Variants in CNTNAP2 observed in about 807,000 individuals in gnomAD.
CNTNAP2 encodes the protein contactin associated protein 2, also known as contactin-associated protein-like 2.
Under a neutral mutation model 155.2 loss-of-function variants are expected in CNTNAP2, and 98 were observed. The ratio of observed to expected loss-of-function variants is 0.63; its 90% CI spans 0.54 to 0.75. CNTNAP2 has a LOEUF of 0.75. CNTNAP2 is among the 30% of genes least tolerant of loss of function. The pLI, the probability that CNTNAP2 is intolerant of heterozygous loss-of-function variation, is 0.00. For missense variants in CNTNAP2, 1,727 were observed against 1,688.1 expected (o/e 1.02, Z -0.40); for synonymous variants, 651 against 631.2 (o/e 1.03, Z -0.47).
At chr7:146,255,620 C>G (rs1799825190) in intron 1 of CNTNAP2, among the ~76,000 whole-genome samples, 1 of 152,058 alleles carries the variant, frequency 6.6e-6, no homozygotes, top group Non-Finnish European at 1.5e-5. Flanking sequence ...GGATATTTGT[C>G]AAGAAGGATT....
At position 146,619,588 on chromosome 7, in the gene CNTNAP2, T is replaced by C. The variant is rs143332056; in HGVS notation, c.98-154683T>C. Among the ~76,000 whole-genome samples the C allele has an allele frequency of 4.8e-3, 734 of 152,300 alleles. 4 individuals are homozygous for C. Among genetic ancestry groups the C allele is most frequent in the Non-Finnish European group, 9.2e-3 (629 of 68,008 alleles). On this transcript the variant is annotated intron_variant, in intron 1 of 23. Transcript: ENST00000361727. Reference sequence around the variant, plus strand: ...TGAAAATAGTAATATAAGAATTTTATATGACATAATTTGATAAGGATCTGT... The same window carrying C: ...TGAAAATAGTAATATAAGAATTTTACATGACATAATTTGATAAGGATCTGT...
intron 8 of CNTNAP2, among the ~76,000 whole-genome samples, chr7:147,170,034 C>G (rs1802195269): frequency 6.6e-6 from 1 of 151,870 alleles, no homozygotes; most frequent in African/African-American, 2.4e-5. Flanking sequence ...TCTTGAATTT[C>G]CAGAGTTCCT....
At chr7:148,172,589 T>C in intron 18 of CNTNAP2, 111 bp downstream of exon 18, 1 of 1,004,428 alleles carries the variant, frequency 1.0e-6, no homozygotes, top group Admixed American at 1.7e-5. Context: ...GAGGTTAAGA[T>C]GATCAGAATT....
chr7:148,230,297 G>C (rs1195247933), intron 20 of CNTNAP2, among the ~76,000 whole-genome samples: 1 of 152,104 alleles, frequency 6.6e-6, no homozygotes, highest in Non-Finnish European at 1.5e-5. Flanking sequence ...GCACACAAAG[G>C]GATGGTTTTA....
intron 17 of CNTNAP2, among the ~76,000 whole-genome samples, chr7:148,155,971 T>C (rs888792670): frequency 6.6e-6 from 1 of 152,148 alleles, no homozygotes; most frequent in Non-Finnish European, 1.5e-5. Context: ...AGGCCCCACG[T>C]GCAATACCGG....
intron 10 of CNTNAP2, among the ~76,000 whole-genome samples, chr7:147,457,180 A>G (rs1797930682): frequency 6.6e-6 from 1 of 152,194 alleles, no homozygotes; most frequent in Non-Finnish European, 1.5e-5. Context: ...AGGCAAGATG[A>G]AAAGGGCGAG....
intron 1 of CNTNAP2, among the ~76,000 whole-genome samples, chr7:146,264,578 G>A (rs1799965837): frequency 6.6e-6 from 1 of 152,174 alleles, no homozygotes; most frequent in Admixed American, 6.5e-5. Context: ...GAATGATGGT[G>A]GGAGCAATCC....
chr7:146,181,694 C>G lies in CNTNAP2; in HGVS notation c.97+64721C>G, dbSNP rs116796650. Among the ~76,000 whole-genome samples, 785 of 152,226 alleles carry G rather than the reference C, an allele frequency of 5.2e-3. 6 individuals carry two copies. The highest frequency in any genetic ancestry group is 0.017 in the Middle Eastern group (5 of 294). On this transcript the variant is annotated intron_variant, in intron 1 of 23. Coordinates refer to ENST00000361727, the MANE Select transcript of CNTNAP2 (RefSeq NM_014141.6). ...CTGTAGTTTTATGCTTACTTGGCAA[C>G]ACAAGCCTGGCCTTGTTTCTGTAAC...
intron 18 of CNTNAP2, among the ~76,000 whole-genome samples, chr7:148,207,671 G>A (rs561272604): frequency 6.6e-6 from 1 of 152,308 alleles, no homozygotes; most frequent in Admixed American, 6.5e-5. Context: ...CCCCCAAAAT[G>A]ATATGCCACA....
At chr7:147,362,112 G>T (rs1796157415) in intron 9 of CNTNAP2, among the ~76,000 whole-genome samples, 1 of 152,150 alleles carries the variant, frequency 6.6e-6, no homozygotes, top group East Asian at 1.9e-4. Flanking sequence ...AAGATTGAGT[G>T]TTTTCAGTAA....
At chr7:146,833,271 T>C (rs1407287404) in intron 2 of CNTNAP2, among the ~76,000 whole-genome samples, 2 of 152,198 alleles carry the variant, frequency 1.3e-5, no homozygotes, top group African/African-American at 4.8e-5. Context: ...TGTTGAACTT[T>C]TGACTTTGTT....
Position 147,044,009 on chromosome 7 carries a change from G to C in CNTNAP2, c.505G>C (p.Glu169Gln). ...VRIVPLDWNG[E>Q]GRIGLRIEVY... ...CATAGTGCCTCTGGATTGGAATGGA[G>C]AAGGTCGCATTGGACTCAGAATTGA... The change falls in exon 4 of 24, where the codon GAA becomes CAA. Residue 169 changes from glutamate to glutamine, a missense_variant. Physicochemically the swap from Glu to Gln is conservative, Grantham distance 29. Coordinates refer to ENST00000361727, the MANE Select transcript of CNTNAP2 (RefSeq NM_014141.6). The C allele has an allele frequency of 6.2e-7, 1 of 1,614,212 alleles. No individual in the cohort carries two copies. The highest frequency in any genetic ancestry group is 8.5e-7 in the Non-Finnish European group (1 of 1,180,018).
chr7:146,924,791 G>GT (rs540968107), intron 3 of CNTNAP2, among the ~76,000 whole-genome samples: 1 of 151,746 alleles, frequency 6.6e-6, no homozygotes, highest in Admixed American at 6.6e-5. Context: ...ATTTGTTTTT[G>GT]TTTTTTATAT....
At chr7:146,935,344 T>C (rs961129782) in intron 3 of CNTNAP2, among the ~76,000 whole-genome samples, 2 of 152,250 alleles carry the variant, frequency 1.3e-5, no homozygotes, top group African/African-American at 2.4e-5. Flanking sequence ...CAGACTTATA[T>C]GTAGATAACC....
chr7:148,068,582 A>G (rs1803314680), intron 15 of CNTNAP2, among the ~76,000 whole-genome samples: 1 of 152,178 alleles, frequency 6.6e-6, no homozygotes, highest in African/African-American at 2.4e-5. Context: ...TTGTTCTGGG[A>G]TGAAATTAAC....
At chr7:146,793,552 G>C (rs1802711131) in intron 2 of CNTNAP2, among the ~76,000 whole-genome samples, 1 of 152,222 alleles carries the variant, frequency 6.6e-6, no homozygotes, top group Admixed American at 6.5e-5. Context: ...AGGAGGCTAA[G>C]TACTTAACAT....
intron 16 of CNTNAP2, among the ~76,000 whole-genome samples, chr7:148,118,710 T>C (rs189222354): frequency 6.6e-6 from 1 of 152,194 alleles, no homozygotes; most frequent in African/African-American, 2.4e-5. Context: ...ACTAGTGACA[T>C]CCGTGTGAGT....
At chr7:146,507,437 C>T (rs1279441909) in intron 1 of CNTNAP2, among the ~76,000 whole-genome samples, 1 of 152,232 alleles carries the variant, frequency 6.6e-6, no homozygotes, top group Non-Finnish European at 1.5e-5. Context: ...GAAAAGCCAT[C>T]TCAGCCTCAT....
intron 4 of CNTNAP2, among the ~76,000 whole-genome samples, chr7:147,067,735 T>A (rs549906330): frequency 6.6e-6 from 1 of 152,160 alleles, no homozygotes; most frequent in Non-Finnish European, 1.5e-5. Flanking sequence ...AAATTCTTCA[T>A]TGATAGAAAG....
Sources: gnomAD v4.1 joint callset for allele counts (sites outside exome capture counted in the v4.1 genomes callset) on GRCh38, gnomAD v4.1.1 for gene constraint, MANE v1.5 for transcripts, NCBI Gene and HGNC (gene_info 2026-07-23, HGNC 2026-07-21) for gene names.